PDE3B: variants seen among roughly 807,000 people sequenced by gnomAD.
The protein encoded by PDE3B is cGMP-inhibited 3',5'-cyclic phosphodiesterase 3B.
In PDE3B, 66 loss-of-function variants were observed where a neutral mutation model predicts 116.8. The ratio of observed to expected loss-of-function variants is 0.56; its 90% confidence interval spans 0.46 to 0.69. The LOEUF is 0.69. PDE3B is among the 30% of genes least tolerant of loss of function. PDE3B has a pLI of 0.00. For missense variants in PDE3B, 1,384 were observed against 1,368.1 expected, an observed-to-expected ratio of 1.01 and a Z score of -0.18; for synonymous variants, 595 against 533.6, an observed-to-expected ratio of 1.12 and a Z score of -1.59.
intron 5 of PDE3B, among the ~76,000 whole-genome samples, chr11:14,809,427 G>GC (rs1227043526): frequency 4.6e-5 from 7 of 152,198 alleles, no homozygotes; most frequent in Admixed American, 2.6e-4. Flanking sequence ...GTATTCATAT[G>GC]CCATGAATGA....
the PDE3B span, chr11:14,890,494 G>T: frequency 2.5e-6 from 2 of 801,580 alleles, no homozygotes; most frequent in Non-Finnish European, 3.0e-6. Flanking sequence ...TGAAAGGAAC[G>T]TAAACCATTA....
In PDE3B at chr11:14,645,060, T is replaced by A; in HGVS notation, c.978+7T>A. The stretch of plus-strand genomic sequence containing the variant: ...TTGTATTTCCAGAGAACAGGTATGT[T>A]AGCTGGAAGGCGAGGTCTGGGACGC... On this transcript the variant is annotated splice_region_variant and intron_variant, in intron 1 of 15. Coordinates refer to ENST00000282096, the MANE Select transcript of PDE3B (RefSeq NM_000922.4). 1 of 1,574,838 alleles carries A rather than the reference T, an allele frequency of 6.3e-7. No homozygotes were observed. Among genetic ancestry groups the A allele is most frequent in the Non-Finnish European group, 8.6e-7 (1 of 1,158,962 alleles).
intron 4 of PDE3B, among the ~76,000 whole-genome samples, chr11:14,798,312 G>A (rs1021019459): frequency 5.3e-5 from 8 of 152,270 alleles, no homozygotes; most frequent in African/African-American, 1.7e-4. Flanking sequence ...GCTTTTTGAT[G>A]TGCTGCTGGA....
chr11:14,722,149 G>C (rs1381106375), intron 1 of PDE3B, among the ~76,000 whole-genome samples: 1 of 150,650 alleles, frequency 6.6e-6, no homozygotes, highest in Non-Finnish European at 1.5e-5. Flanking sequence ...TCACACACCA[G>C]GGCCTGTTGT....
chr11:14,804,103 A>G, intron 5 of PDE3B, 53 bp downstream of exon 5: 4 of 911,662 alleles, frequency 4.4e-6, no homozygotes, highest in Non-Finnish European at 5.4e-6. Flanking sequence ...AGTATATGGT[A>G]GTGTAAACAC....
In PDE3B at chr11:14,644,988, G is replaced by A. The variant is rs1274875009; in HGVS notation, c.913G>A (p.Ala305Thr). ...CTGCGTGTCGTTAGGAGAAACTGCAGCCAGTTACTATGGCAGTTGCAAAAT... is the reference window on the plus strand; with the variant it reads ...CTGCGTGTCGTTAGGAGAAACTGCAACCAGTTACTATGGCAGTTGCAAAAT... ...SSCVSLGETA[A>T]SYYGSCKIFR... is the part of the protein sequence containing the mutation. The change falls in exon 1 of 16, where the codon GCC becomes ACC. Residue 305 changes from alanine (A) to threonine (T), a missense_variant. This residue lies in a region of PDE3B where 956 missense variants were observed against 806.8 expected (regional missense o/e 1.18). Transcript: ENST00000282096. 1 of 1,613,830 alleles carries A rather than the reference G, an allele frequency of 6.2e-7. No homozygotes were observed. The highest frequency in any genetic ancestry group is 8.5e-7 in the Non-Finnish European group (1 of 1,179,968).
chr11:14,880,681 T>G, the PDE3B span: 13 of 1,597,674 alleles, frequency 8.1e-6, no homozygotes, highest in Non-Finnish European at 1.1e-5. Context: ...TTCAAAAGAC[T>G]TTTGGCCATA....
At chr11:14,691,429 A>G (rs1315776352) in intron 1 of PDE3B, among the ~76,000 whole-genome samples, 1 of 152,210 alleles carries the variant, frequency 6.6e-6, no homozygotes, top group Non-Finnish European at 1.5e-5. Flanking sequence ...GCTTAGAGAT[A>G]TTATCAAGTA....
In PDE3B at chr11:14,818,513, G is replaced by A. The variant is rs185863104; in HGVS notation, c.1733+120G>A. On this transcript the variant is annotated intron_variant, in intron 6 of 15. Transcript: ENST00000282096. ...AAGCTAAATGACCATAGTTTTTTTC[G>A]GTGTTATAATGAAATGACATTATTT... 213 of 640,808 alleles carry A rather than the reference G, an allele frequency of 3.3e-4. 5 individuals are homozygous for A. Among genetic ancestry groups the A allele is most frequent in the African/African-American group, 3.2e-3 (174 of 54,534 alleles). 39.7% of individuals were successfully genotyped at this position (640,808 alleles called of 1,614,324 possible).
At chr11:14,810,168 CTTTTA>C (rs1220181968) in intron 5 of PDE3B, among the ~76,000 whole-genome samples, 1 of 150,038 alleles carries the variant, frequency 6.7e-6, no homozygotes, top group Non-Finnish European at 1.5e-5. Flanking sequence ...ATTTTTTTTT[CTTTTA>C]TTTATTATTA....
At chr11:14,727,660 A>G (rs540233297) in intron 1 of PDE3B, among the ~76,000 whole-genome samples, 1 of 152,268 alleles carries the variant, frequency 6.6e-6, no homozygotes, top group East Asian at 1.9e-4. Flanking sequence ...CAATAATCAA[A>G]TGTTAGGGCT....
At chr11:14,733,508 A>T (rs1207686507) in intron 1 of PDE3B, among the ~76,000 whole-genome samples, 1 of 152,176 alleles carries the variant, frequency 6.6e-6, no homozygotes, top group Non-Finnish European at 1.5e-5. Flanking sequence ...ATGCTACCAT[A>T]GTGATTTTAT....
chr11:14,644,396 G>A lies in PDE3B; in HGVS notation c.321G>A (p.Trp107Ter), dbSNP rs766545770. 9.3e-6 allele frequency: 15 copies of A among 1,605,098 alleles called. No homozygotes were observed. The highest frequency in any genetic ancestry group is 1.3e-5 in the Non-Finnish European group (15 of 1,176,654). The change falls in exon 1 of 16, where the codon TGG becomes TGA. Residue 107 changes from tryptophan (W) to a stop codon, truncating the protein, a stop_gained. Coordinates refer to ENST00000282096, the MANE Select transcript of PDE3B (RefSeq NM_000922.4). LOFTEE classifies it high-confidence loss of function. Reference protein sequence around the residue: ...EPESWAAGAAWLRTLLSVCSH... With the variant: ...EPESWAAGAA ...AGAGCTGGGCTGCCGGGGCCGCCTG[G>A]CTGCGGACGCTGCTGAGCGTGTGTT...
intron 1 of PDE3B, among the ~76,000 whole-genome samples, chr11:14,654,147 T>A (rs986267488): frequency 6.6e-6 from 1 of 151,952 alleles, no homozygotes; most frequent in Non-Finnish European, 1.5e-5. Context: ...TAGAAAAAAA[T>A]GTCTGTAAAA....
chr11:14,874,004 T>G (rs913655213), downstream of PDE3B, among the ~76,000 whole-genome samples: 2 of 152,160 alleles, frequency 1.3e-5, no homozygotes, highest in African/African-American at 2.4e-5. Context: ...CTGGGTAACA[T>G]GGCTCTCAGT....
At chr11:14,815,174 A>C (rs1859284829) in intron 5 of PDE3B, among the ~76,000 whole-genome samples, 4 of 152,128 alleles carry the variant, frequency 2.6e-5, no homozygotes, top group African/African-American at 9.7e-5. Context: ...AAATAGTAAC[A>C]ACATCTGAGA....
chr11:14,769,854 A>G (rs1857590580), intron 1 of PDE3B, among the ~76,000 whole-genome samples: 1 of 148,424 alleles, frequency 6.7e-6, no homozygotes, highest in South Asian at 2.1e-4. Context: ...TGATAGCACC[A>G]CTGTTGAGAG....
intron 1 of PDE3B, among the ~76,000 whole-genome samples, chr11:14,670,076 C>G (rs1004289049): frequency 6.6e-6 from 1 of 152,080 alleles, no homozygotes; most frequent in African/African-American, 2.4e-5. Flanking sequence ...GCATAGTTAT[C>G]TGGGTGATTT....
chr11:14,699,591 T>C (rs927383342), intron 1 of PDE3B, among the ~76,000 whole-genome samples: 1 of 151,862 alleles, frequency 6.6e-6, no homozygotes, highest in Admixed American at 6.6e-5. Context: ...TTCTTGAAGA[T>C]TTTATTGGAA....
Sources: allele counts gnomAD v4.1 joint callset (sites outside exome capture counted in the v4.1 genomes callset), GRCh38; gene constraint gnomAD v4.1.1; regional missense constraint gnomAD v4.1.1; transcripts MANE v1.5; gene names NCBI Gene and HGNC (gene_info 2026-07-23, HGNC 2026-07-21).